Variants in ZNF419 observed in about 807,000 individuals in gnomAD.
The protein encoded by ZNF419 is zinc finger protein 419.
In ZNF419, 8 loss-of-function variants were observed where a neutral mutation model predicts 14.9. The observed-to-expected ratio is 0.54, with a 90% confidence interval of 0.32 to 0.97. The LOEUF (loss-of-function observed/expected upper bound fraction) is 0.97. Among genes scored for constraint, ZNF419 ranks in the 50% least tolerant of loss-of-function variants. The pLI is 0.04. For synonymous variants in ZNF419, 211 were observed against 205.3 expected (o/e 1.03, Z -0.24); for missense variants, 595 against 607.2 (o/e 0.98, Z 0.21).
chr19:57,493,412 G>A lies in ZNF419; in HGVS notation c.855G>A (p.Lys285=). 6.2e-7 allele frequency: 1 copy of A among 1,614,120 alleles called. No homozygotes were observed. Among genetic ancestry groups the A allele is most frequent in the Non-Finnish European group, 8.5e-7 (1 of 1,180,022 alleles). The change falls in exon 5 of 5, where the codon AAG becomes AAA. Residue 285 remains lysine (K), a synonymous_variant. Coordinates refer to ENST00000221735, the MANE Select transcript of ZNF419 (RefSeq NM_024691.4). Reference sequence around the variant, plus strand: ...ACCAGAGAGTTCACACTGGAGAAAAGCCTTTTACATGCAGTGAATGTGGAA... The same window carrying A: ...ACCAGAGAGTTCACACTGGAGAAAAACCTTTTACATGCAGTGAATGTGGAA... ...IEHQRVHTGE[K]PFTCSECGKA...
In ZNF419 at chr19:57,494,043, TC is replaced by T. The variant is rs1175905667; in HGVS notation, c.1488del (p.Ser497ValfsTer90). The T allele has an allele frequency of 1.2e-6, 2 of 1,612,144 alleles. No homozygotes were observed. The highest frequency in any genetic ancestry group is 1.7e-6 in the Non-Finnish European group (2 of 1,179,392). The part of the protein sequence containing the change: ...RECGKFFRHN[S>X]SLFKHRRIHT... ...ATGTGGGAAGTTTTTTCGCCACAAC[TC>T]CAGTCTTTTTAAACATCGAAGGATT... On this transcript the variant is annotated frameshift_variant, in exon 5 of 5. Transcript: ENST00000221735. LOFTEE classifies it low-confidence loss of function (END_TRUNC).
chr19:57,491,150 G>A, intron 2 of ZNF419: 1 of 388,204 alleles, frequency 2.6e-6, no homozygotes. Context: ...CCTTGTACTG[G>A]GGGCTTCAGG....
chr19:57,489,759 G>T, intron 1 of ZNF419: 1 of 177,182 alleles, frequency 5.6e-6, no homozygotes, highest in South Asian at 1.1e-4. Context: ...CAAAGCATTG[G>T]GATTACAGGT....
Position 57,489,482 on chromosome 19 carries a change from TTC to T in ZNF419, c.34-663_34-662del, listed in dbSNP as rs1265412673. On this transcript the variant is annotated intron_variant, in intron 1 of 4. Transcript: ENST00000221735. ...CCATATTTTCTTTTTCTTTCTTTCT[TTC>T]TTTTTTTTTTTTTTTTTTTTTTGAG... The T allele has an allele frequency of 6.2e-3, 715 of 115,266 alleles. 2 individuals are homozygous for T. Among genetic ancestry groups the T allele is most frequent in the African/African-American group, 0.022 (655 of 29,948 alleles). 7.1% of individuals were successfully genotyped at this position (115,266 alleles called of 1,614,324 possible). A position where few individuals can be genotyped will look rare whatever the true frequency, so the allele number is the denominator to read the frequency against.
At chr19:57,491,020 T>C (rs1419426171) in intron 2 of ZNF419, 1 of 167,816 alleles carries the variant, frequency 6.0e-6, no homozygotes, top group Admixed American at 5.5e-5. Context: ...GCCCTCTGGA[T>C]GCCATGTGTA....
intron 2 of ZNF419, chr19:57,490,809 G>A (rs1432705107): frequency 1.3e-5 from 2 of 155,080 alleles, no homozygotes; most frequent in South Asian, 2.0e-4. Context: ...AAGCATCAGC[G>A]GGTATAAGGC....
intron 3 of ZNF419, 185 bp from the exon 4 acceptor site, chr19:57,491,928 C>G: frequency 1.5e-6 from 1 of 657,982 alleles, no homozygotes; most frequent in Non-Finnish European, 2.7e-6. Flanking sequence ...CTCCTCTAGC[C>G]AACATACCTG....
chr19:57,491,552 T>C lies in ZNF419; in HGVS notation c.154T>C (p.Tyr52His), dbSNP rs1317683378. The C allele has an allele frequency of 3.7e-6, 6 of 1,614,104 alleles. No individual in the cohort carries two copies. In the East Asian group the frequency reaches 1.1e-4, roughly 30 times the overall value. Residue 52 changes from tyrosine (Y) to histidine (H), a missense_variant, in exon 3 of 5, where the codon TAC (tyrosine) becomes CAC (histidine). By Grantham distance (83) the Tyr-to-His change is moderately conservative. Transcript: ENST00000221735. The part of the protein sequence containing the change: ...RLLDDAQRLL[Y>H]RNVMLENFTL... ...GCTTGATGACGCTCAGAGGCTCCTC[T>C]ACCGCAATGTGATGCTGGAGAACTT... is the stretch of plus-strand genomic sequence containing the variant.
intron 4 of ZNF419, 147 bp downstream of exon 4, chr19:57,492,358 A>G (rs1410209917): frequency 1.0e-6 from 1 of 985,082 alleles, no homozygotes; most frequent in Admixed American, 1.7e-5. Context: ...ATCTATTCTG[A>G]TGTTTGACCT....
chr19:57,492,697 G>T (rs1232214056), intron 4 of ZNF419, 159 bp from the exon 5 acceptor site: 1 of 1,012,470 alleles, frequency 9.9e-7, no homozygotes, highest in African/African-American at 1.6e-5. Flanking sequence ...GCCAGATTCA[G>T]CACTGCACAG....
chr19:57,489,918 C>A (rs1486063806), intron 1 of ZNF419: 4 of 540,298 alleles, frequency 7.4e-6, no homozygotes, highest in Admixed American at 3.2e-5. Flanking sequence ...TACAAACAAT[C>A]GTCCTATTGA....
chr19:57,492,277 C>T (rs1460516255), intron 4 of ZNF419, 66 bp downstream of exon 4: 1 of 1,553,420 alleles, frequency 6.4e-7, no homozygotes, highest in Admixed American at 1.7e-5. Flanking sequence ...ACCAGTAGGC[C>T]CAGATATTTT....
In ZNF419 at chr19:57,493,657, G is replaced by C. The variant is rs2089555099; in HGVS notation, c.1100G>C (p.Gly367Ala). Residue 367 changes from glycine (G) to alanine (A), a missense_variant, in exon 5 of 5, where the codon GGA (glycine) becomes GCA (alanine). By Grantham distance (60) the Gly-to-Ala change is moderately conservative (BLOSUM62 0). Coordinates refer to ENST00000221735, the MANE Select transcript of ZNF419 (RefSeq NM_024691.4). ...ATCAAACATTGGCGTGTTCATACTG[G>C]AGAAAGGCCTTACAAGTGCAGCGAC... ...NLIKHWRVHT[G>A]ERPYKCSDCG... is the part of the protein sequence containing the mutation. 1.2e-6 allele frequency: 2 copies of C among 1,614,096 alleles called. No homozygotes were observed.
intron 1 of ZNF419, chr19:57,489,482 T>A (rs2089432996): frequency 8.7e-6 from 1 of 115,348 alleles, no homozygotes; most frequent in African/African-American, 3.3e-5. Context: ...CTTTCTTTCT[T>A]TCTTTTTTTT....
chr19:57,489,213 G>A (rs1270429649), intron 1 of ZNF419: 2 of 152,226 alleles, frequency 1.3e-5, no homozygotes, highest in Non-Finnish European at 2.9e-5. Flanking sequence ...GGAATGGTAT[G>A]TGCTCAGGTT....
rs1421080197 is a variant in ZNF419 at position 57,495,956 on chromosome 19, T to G, written c.*1866T>G. The G allele has an allele frequency of 6.6e-6, 1 of 152,092 alleles. No homozygotes were observed. The highest frequency in any genetic ancestry group is 1.5e-5 in the Non-Finnish European group (1 of 68,004). The allele number at this position is 152,092 out of a possible 1,614,324, so 9.4% of individuals were successfully genotyped here. A position where few individuals can be genotyped will look rare whatever the true frequency, so the allele number is the denominator to read the frequency against. ...GTTTTGAGCACATTTAATACCCAGTTATTGGTTTATATCATTTTTTAATAA... is the reference window on the plus strand; with the variant it reads ...GTTTTGAGCACATTTAATACCCAGTGATTGGTTTATATCATTTTTTAATAA... On this transcript the variant is annotated 3_prime_UTR_variant, in exon 5 of 5. Coordinates refer to ENST00000221735, the MANE Select transcript of ZNF419 (RefSeq NM_024691.4).
rs1262488291 is a variant in ZNF419 at position 57,495,344 on chromosome 19, AT to A, written c.*1258del. On this transcript the variant is annotated 3_prime_UTR_variant, in exon 5 of 5. Coordinates refer to ENST00000221735, the MANE Select transcript of ZNF419 (RefSeq NM_024691.4). ...ATCTTTCCTAGAGCAGATTGTCTTA[AT>A]TTTATGGAGCCCAATTTATCCATTT... The A allele has an allele frequency of 6.6e-6, 1 of 152,138 alleles. No homozygotes were observed. Among genetic ancestry groups the A allele is most frequent in the East Asian group, 1.9e-4 (1 of 5,184 alleles). The allele number at this position is 152,138 out of a possible 1,614,324, so 9.4% of individuals were successfully genotyped here.
At chr19:57,488,552 G>C (rs149884291) in intron 1 of ZNF419, 1 of 152,552 alleles carries the variant, frequency 6.6e-6, no homozygotes, top group Non-Finnish European at 1.5e-5. Context: ...AGCCATTCTG[G>C]ATTTTTATTT....
intron 4 of ZNF419, 163 bp downstream of exon 4, chr19:57,492,374 C>T (rs765338555): frequency 9.2e-5 from 79 of 854,836 alleles, no homozygotes; most frequent in Non-Finnish European, 1.5e-4. Flanking sequence ...GACCTAGGGC[C>T]ATTCCCCACC....
Sources: gnomAD v4.1 joint callset for allele counts on GRCh38, gnomAD v4.1.1 for gene constraint, MANE v1.5 for transcripts, NCBI Gene and HGNC (gene_info 2026-07-23, HGNC 2026-07-21) for gene names.